Variants in ADAMTS2 observed in about 807,000 individuals in gnomAD.
The protein encoded by ADAMTS2 is A disintegrin and metalloproteinase with thrombospondin motifs 2.
Under a neutral mutation model 123.0 loss-of-function variants are expected in ADAMTS2, and 50 were observed. The observed-to-expected ratio is 0.41, with a 90% CI of 0.32 to 0.51. ADAMTS2 has a LOEUF of 0.51. Among genes scored for constraint, ADAMTS2 ranks in the 20% least tolerant of loss-of-function variants. The pLI, the probability that ADAMTS2 is intolerant of heterozygous loss-of-function variation, is 0.35. For synonymous variants in ADAMTS2, 678 were observed against 695.4 expected (o/e 0.98, Z 0.39); for missense variants, 1,494 against 1,705.2 (o/e 0.88, Z 2.18).
chr5:179,248,264 A>C (rs1765848369), intron 3 of ADAMTS2, among the ~76,000 whole-genome samples: 2 of 152,176 alleles, frequency 1.3e-5, no homozygotes, highest in South Asian at 4.1e-4. Context: ...ATGAATCAAA[A>C]CAGTACACTA....
At chr5:179,240,195 G>C (rs780587351) in intron 3 of ADAMTS2, among the ~76,000 whole-genome samples, 12 of 152,326 alleles carry the variant, frequency 7.9e-5, no homozygotes, top group Admixed American at 1.3e-4. Context: ...AACAGACTGA[G>C]GGGAGCAGTC....
rs1336387208 is a variant in ADAMTS2, at chr5:179,189,435, C to A, written c.892-8280G>T. On this transcript the variant is annotated intron_variant, in intron 4 of 21. Coordinates refer to ENST00000251582, the MANE Select transcript of ADAMTS2 (RefSeq NM_014244.5). This position sits in a 1 kb window ranked among gnomAD's most constrained non-coding sequence, Gnocchi z 4.2. ...TGATCTCAGCTCACTGCCAGCTCCA[C>A]CTCCCAGGTTCATGCCATTCTCTTG... Among the ~76,000 whole-genome samples, 2 of 151,066 alleles carry A rather than the reference C, an allele frequency of 1.3e-5. No individual in the cohort carries two copies. The highest frequency in any genetic ancestry group is 3.9e-4 in the East Asian group (2 of 5,150).
chr5:179,229,342 C>T (rs1207212856), intron 3 of ADAMTS2, among the ~76,000 whole-genome samples: 2 of 104,818 alleles, frequency 1.9e-5, no homozygotes, highest in African/African-American at 3.7e-5. Context: ...CATGAGACCC[C>T]GCTGCCCACT....
rs1762586655 is a variant in ADAMTS2, at chr5:179,112,514, G to C, written c.*1353C>G. On this transcript the variant is annotated 3_prime_UTR_variant, in exon 22 of 22. Coordinates refer to ENST00000251582, the MANE Select transcript of ADAMTS2 (RefSeq NM_014244.5). ...AATAGGAGCTATTAAAGTTTTCAAG[G>C]AGCAAAAGACAATGTAGGCTCTCCC... is the stretch of plus-strand genomic sequence containing the variant. The C allele has an allele frequency of 6.6e-6, 1 of 152,126 alleles. No individual in the cohort carries two copies. The highest frequency in any genetic ancestry group is 1.5e-5 in the Non-Finnish European group (1 of 68,040). 9.4% of individuals were successfully genotyped at this position (152,126 alleles called of 1,614,324 possible).
chr5:179,127,415 C>T (rs1320367951), intron 17 of ADAMTS2, among the ~76,000 whole-genome samples: 4 of 152,228 alleles, frequency 2.6e-5, no homozygotes, highest in East Asian at 1.9e-4. Flanking sequence ...TGCCTGGTAT[C>T]GCCCAGCCCC....
chr5:179,116,115 T>G (rs966570241), intron 21 of ADAMTS2, among the ~76,000 whole-genome samples: 1 of 152,028 alleles, frequency 6.6e-6, no homozygotes, highest in Non-Finnish European at 1.5e-5. Flanking sequence ...TATGCCCTTG[T>G]TCCTCCCCGT....
chr5:179,218,097 G>A (rs1190630511), intron 3 of ADAMTS2, among the ~76,000 whole-genome samples: 2 of 152,214 alleles, frequency 1.3e-5, no homozygotes, highest in Non-Finnish European at 2.9e-5. Flanking sequence ...GGAGAGGGAG[G>A]CTCAGGGAAT....
Position 179,317,950 on chromosome 5 carries a change from G to A in ADAMTS2, c.534+25817C>T, listed in dbSNP as rs1158221994. On this transcript the variant is annotated intron_variant, in intron 2 of 21. Coordinates refer to ENST00000251582, the MANE Select transcript of ADAMTS2 (RefSeq NM_014244.5). The surrounding 1 kb of genome is among the most constrained non-coding windows in gnomAD (Gnocchi z 4.9). The stretch of plus-strand genomic sequence containing the variant: ...TCCCTGGGGCTCATCCAGGGCTGGG[G>A]TGGAGCCGGGACATGAGGAACGGGC... 6.6e-6 allele frequency among the ~76,000 whole-genome samples: 1 copy of A among 152,192 alleles called. No homozygotes were observed. Among genetic ancestry groups the A allele is most frequent in the African/African-American group, 2.4e-5 (1 of 41,440 alleles).
chr5:179,281,804 A>G (rs1766920486), intron 2 of ADAMTS2, among the ~76,000 whole-genome samples: 1 of 152,062 alleles, frequency 6.6e-6, no homozygotes, highest in African/African-American at 2.4e-5. Flanking sequence ...CCTCATCCCC[A>G]CCAATACTCA....
chr5:179,340,856 C>T (rs765285293), intron 2 of ADAMTS2, among the ~76,000 whole-genome samples: 2 of 152,164 alleles, frequency 1.3e-5, no homozygotes, highest in Admixed American at 6.5e-5. Flanking sequence ...GTAAAAACCA[C>T]GTGAAATTAG....
In ADAMTS2 at chr5:179,115,543, G is replaced by A. The variant is rs1365842047; in HGVS notation, c.3179-1219C>T. ...GACCTTTCCCACACAAACCCCCGACGTGCCCTCCTTTTCCCTCACTCTCCT... is the reference window on the plus strand; with the variant it reads ...GACCTTTCCCACACAAACCCCCGACATGCCCTCCTTTTCCCTCACTCTCCT... On this transcript the variant is annotated intron_variant, in intron 21 of 21. Transcript: ENST00000251582. The surrounding 1 kb of genome is among the most constrained non-coding windows in gnomAD (Gnocchi z 4.4). Among the ~76,000 whole-genome samples the A allele has an allele frequency of 5.3e-5, 8 of 151,818 alleles. No homozygotes were observed. Among genetic ancestry groups the A allele is most frequent in the Admixed American group, 2.6e-4 (4 of 15,214 alleles).
chr5:179,262,866 C>T lies in ADAMTS2; in HGVS notation c.688+10045G>A, dbSNP rs1036654642. Among the ~76,000 whole-genome samples the T allele has an allele frequency of 6.6e-6, 1 of 152,254 alleles. No homozygotes were observed. The highest frequency in any genetic ancestry group is 1.5e-5 in the Non-Finnish European group (1 of 68,050). ...CCCCAGCACCCAGTCCTGTCAGACACATGGTGGACACATAGCAAGAACGTG... is the reference window on the plus strand; with the variant it reads ...CCCCAGCACCCAGTCCTGTCAGACATATGGTGGACACATAGCAAGAACGTG... On this transcript the variant is annotated intron_variant, in intron 3 of 21. Transcript: ENST00000251582. The surrounding 1 kb of genome is among the most constrained non-coding windows in gnomAD (Gnocchi z 5.9).
Position 179,308,744 on chromosome 5 carries a change from G to A in ADAMTS2, c.534+35023C>T, listed in dbSNP as rs1267920050. On this transcript the variant is annotated intron_variant, in intron 2 of 21. Transcript: ENST00000251582. This position sits in a 1 kb window ranked among gnomAD's most constrained non-coding sequence, Gnocchi z 6.6. ...CTGGCGTCCTGAGTGGAAGCAGGGCGCGGGCTGCCATGGAACCCCACCCTC... is the reference window on the plus strand; with the variant it reads ...CTGGCGTCCTGAGTGGAAGCAGGGCACGGGCTGCCATGGAACCCCACCCTC... 5.3e-5 allele frequency among the ~76,000 whole-genome samples: 8 copies of A among 152,198 alleles called. No individual in the cohort carries two copies. The highest frequency in any genetic ancestry group is 1.9e-4 in the East Asian group (1 of 5,178).
chr5:179,231,218 T>G (rs1045808542), intron 3 of ADAMTS2, among the ~76,000 whole-genome samples: 1 of 152,072 alleles, frequency 6.6e-6, no homozygotes, highest in African/African-American at 2.4e-5. Flanking sequence ...GATGACACCA[T>G]AGAGGCTGCC....
chr5:179,133,805 G>A (rs1248913558), intron 13 of ADAMTS2, among the ~76,000 whole-genome samples: 2 of 150,460 alleles, frequency 1.3e-5, no homozygotes, highest in Non-Finnish European at 2.9e-5. Flanking sequence ...TGCAGCCTCC[G>A]CCTCCCAGGT....
Position 179,162,606 on chromosome 5 carries a change from C to T in ADAMTS2, c.976-3727G>A, listed in dbSNP as rs892525299. Among the ~76,000 whole-genome samples the T allele has an allele frequency of 5.9e-5, 9 of 152,302 alleles. No individual in the cohort carries two copies. Among genetic ancestry groups the T allele is most frequent in the South Asian group, 2.1e-4 (1 of 4,822 alleles). ...CCATGTCAGCTTTACCCCACACGGT[C>T]GCCCCTGCTCGAGGGACCCAAGAGA... On this transcript the variant is annotated intron_variant, in intron 5 of 21. Coordinates refer to ENST00000251582, the MANE Select transcript of ADAMTS2 (RefSeq NM_014244.5). This position sits in a 1 kb window ranked among gnomAD's most constrained non-coding sequence, Gnocchi z 5.1.
intron 13 of ADAMTS2, among the ~76,000 whole-genome samples, chr5:179,134,129 A>C (rs1763012695): frequency 6.6e-6 from 1 of 152,156 alleles, no homozygotes; most frequent in African/African-American, 2.4e-5. Context: ...CTGCCATCTG[A>C]AGCTACTTGT....
intron 2 of ADAMTS2, among the ~76,000 whole-genome samples, chr5:179,286,875 C>A (rs1453148332): frequency 2.6e-5 from 4 of 152,194 alleles, no homozygotes; most frequent in Non-Finnish European, 5.9e-5. Flanking sequence ...ACATGGCCGT[C>A]CCCCTGTGTG....
At chr5:179,294,171 A>G (rs947210762) in intron 2 of ADAMTS2, among the ~76,000 whole-genome samples, 1 of 151,964 alleles carries the variant, frequency 6.6e-6, no homozygotes, top group African/African-American at 2.4e-5. Context: ...TGGGAGAATC[A>G]CCTAAACCCT....
Sources: gnomAD v4.1 joint callset for allele counts (sites outside exome capture counted in the v4.1 genomes callset) on GRCh38, gnomAD v4.1.1 for gene constraint, Gnocchi (gnomAD v3.1) non-coding constraint, MANE v1.5 for transcripts, NCBI Gene and HGNC (gene_info 2026-07-23, HGNC 2026-07-21) for gene names.